PIK3CB: variants seen among roughly 807,000 people sequenced by gnomAD.
The protein encoded by PIK3CB is phosphatidylinositol-4,5-bisphosphate 3-kinase catalytic subunit beta, also known as phosphatidylinositol 4,5-bisphosphate 3-kinase catalytic subunit beta isoform.
PIK3CB carries 39 observed loss-of-function variants against 136.8 expected under a neutral mutation model. That is an observed-to-expected ratio of 0.29 (90% confidence interval 0.22 to 0.37). The LOEUF (loss-of-function observed/expected upper bound fraction) is 0.37. Among genes scored for constraint, PIK3CB ranks in the 10% least tolerant of loss-of-function variants. The pLI, the probability that PIK3CB is intolerant of heterozygous loss-of-function variation, is 1.00. For missense variants in PIK3CB, 868 were observed against 1,275.4 expected (o/e 0.68, Z 4.87); for synonymous variants, 428 against 436.6 (o/e 0.98, Z 0.25).
intron 1 of PIK3CB, among the ~76,000 whole-genome samples, chr3:138,798,885 G>C (rs764196739): frequency 1.1e-4 from 16 of 151,784 alleles, no homozygotes; most frequent in Non-Finnish European, 2.2e-4. Flanking sequence ...CGGGGTCCGG[G>C]TCAACTTTTT....
At chr3:138,756,012 G>A (rs1406394323) in intron 3 of PIK3CB, 33 bp from the exon 4 acceptor site, 1 of 1,217,680 alleles carries the variant, frequency 8.2e-7, no homozygotes, top group Non-Finnish European at 1.2e-6. Context: ...TTCTGGAATG[G>A]AAACACTTGC....
intron 2 of PIK3CB, among the ~76,000 whole-genome samples, chr3:138,781,744 C>T (rs1164850358): frequency 1.3e-5 from 2 of 152,066 alleles, no homozygotes; most frequent in African/African-American, 2.4e-5. Flanking sequence ...CGTGTGCCAC[C>T]GTGCCCGGCC....
chr3:138,658,435 G>A (rs570518559), intron 21 of PIK3CB, among the ~76,000 whole-genome samples: 57 of 152,006 alleles, frequency 3.7e-4, no homozygotes, highest in Non-Finnish European at 7.2e-4. Context: ...GGGTGACAGA[G>A]TAAGACCCTG....
intron 4 of PIK3CB, among the ~76,000 whole-genome samples, chr3:138,746,859 G>A (rs1289101718): frequency 1.3e-5 from 2 of 150,392 alleles, no homozygotes; most frequent in East Asian, 3.9e-4. Context: ...CCACATACAA[G>A]CTGCATTTTT....
At chr3:138,672,198 G>A (rs1427274044) in intron 19 of PIK3CB, among the ~76,000 whole-genome samples, 2 of 151,916 alleles carry the variant, frequency 1.3e-5, no homozygotes, top group Non-Finnish European at 2.9e-5. Flanking sequence ...ACTGGAACTC[G>A]AAATATCTTT....
At chr3:138,824,040 C>G (rs1933674096) in intron 1 of PIK3CB, among the ~76,000 whole-genome samples, 1 of 152,112 alleles carries the variant, frequency 6.6e-6, no homozygotes, top group Admixed American at 6.6e-5. Flanking sequence ...TTCACAACTG[C>G]CATTACTTCT....
At chr3:138,767,665 G>A (rs569560883) in intron 2 of PIK3CB, among the ~76,000 whole-genome samples, 11 of 152,214 alleles carry the variant, frequency 7.2e-5, no homozygotes, top group Admixed American at 5.2e-4. Flanking sequence ...TCCAGCCCCT[G>A]CACAGTCAGA....
At chr3:138,808,209 C>T (rs1337802870) in intron 1 of PIK3CB, among the ~76,000 whole-genome samples, 1 of 152,104 alleles carries the variant, frequency 6.6e-6, no homozygotes, top group Non-Finnish European at 1.5e-5. Flanking sequence ...AACTATAAAA[C>T]TTCTGACGGA....
intron 2 of PIK3CB, among the ~76,000 whole-genome samples, chr3:138,782,555 T>C (rs1162032671): frequency 1.3e-5 from 2 of 152,206 alleles, no homozygotes; most frequent in African/African-American, 4.8e-5. Flanking sequence ...AGTTACAGGA[T>C]TGTGGCTGGG....
intron 1 of PIK3CB, among the ~76,000 whole-genome samples, chr3:138,800,455 T>G (rs981831775): frequency 3.9e-5 from 6 of 151,928 alleles, no homozygotes; most frequent in African/African-American, 1.4e-4. Flanking sequence ...CTTGAGTAGC[T>G]GGGACTACAG....
rs2108517778 is a variant in PIK3CB, at chr3:138,694,896, C to T, written c.1782G>A (p.Leu594=). The T allele has an allele frequency of 6.2e-7, 1 of 1,603,918 alleles. No individual in the cohort carries two copies. The change falls in exon 14 of 24, where the codon CTG becomes CTA. Residue 594 remains leucine, a synonymous_variant. Coordinates refer to ENST00000674063, the MANE Select transcript of PIK3CB (RefSeq NM_006219.3). ...KLEDVAQLQA[L]LQIWPKLPPR... The stretch of plus-strand genomic sequence containing the variant: ...GGGGCAGTTTAGGCCAAATCTGAAG[C>T]AGCGCCTGAAGCTGTTTAAAAAATG...
At chr3:138,822,023 C>T (rs1933581277) in intron 1 of PIK3CB, among the ~76,000 whole-genome samples, 2 of 151,844 alleles carry the variant, frequency 1.3e-5, no homozygotes, top group South Asian at 4.1e-4. Flanking sequence ...TGGTAGCACA[C>T]ACTTATAATC....
At chr3:138,756,010 T>C in intron 3 of PIK3CB, 31 bp from the exon 4 acceptor site, 6 of 1,216,162 alleles carry the variant, frequency 4.9e-6, no homozygotes, top group Non-Finnish European at 7.3e-6. Flanking sequence ...TTTTCTGGAA[T>C]GGAAACACTT....
intron 1 of PIK3CB, among the ~76,000 whole-genome samples, chr3:138,822,885 T>C (rs1026359929): frequency 2.7e-5 from 4 of 146,544 alleles, no homozygotes; most frequent in Admixed American, 7.1e-5. Context: ...AATATATATA[T>C]GAAATATTTA....
intron 3 of PIK3CB, among the ~76,000 whole-genome samples, chr3:138,758,827 T>G (rs569634179): frequency 6.6e-6 from 1 of 152,238 alleles, no homozygotes; most frequent in East Asian, 1.9e-4. Flanking sequence ...GGGAAAAATA[T>G]CTGGTGAACA....
Position 138,684,805 on chromosome 3 carries a change from T to C in PIK3CB, c.2137-2A>G, listed in dbSNP as rs2108488927. On this transcript the variant is annotated splice_acceptor_variant, in intron 16 of 23. Transcript: ENST00000674063. LOFTEE classifies it high-confidence loss of function. ...TTTTAACTTATTGAGTGCTTCAACC[T>C]GAAAAATAAGTTCCCCACACCAAAA... 1 of 1,602,974 alleles carries C rather than the reference T, an allele frequency of 6.2e-7. No homozygotes were observed. Among genetic ancestry groups the C allele is most frequent in the Non-Finnish European group, 8.5e-7 (1 of 1,175,058 alleles).
chr3:138,766,389 C>T (rs1209516690), intron 2 of PIK3CB, among the ~76,000 whole-genome samples: 2 of 152,086 alleles, frequency 1.3e-5, no homozygotes, highest in Non-Finnish European at 2.9e-5. Context: ...GTTTTATGTA[C>T]TTTTCTATAT....
chr3:138,833,776 G>C (rs1029894859), intron 1 of PIK3CB, among the ~76,000 whole-genome samples: 12 of 152,152 alleles, frequency 7.9e-5, no homozygotes, highest in African/African-American at 2.7e-4. Context: ...AGTGTCACTT[G>C]AGATGAAACA....
intron 19 of PIK3CB, among the ~76,000 whole-genome samples, chr3:138,671,553 C>T (rs752014559): frequency 3.9e-5 from 6 of 152,208 alleles, no homozygotes; most frequent in African/African-American, 4.8e-5. Context: ...TTTCTCACAG[C>T]AGTGGCTCAG....
Sources: allele counts gnomAD v4.1 joint callset (sites outside exome capture counted in the v4.1 genomes callset), GRCh38; gene constraint gnomAD v4.1.1; transcripts MANE v1.5; gene names NCBI Gene and HGNC (gene_info 2026-07-23, HGNC 2026-07-21).